The following FRMD8 variants were observed in gnomAD, a reference collection of about 807,000 sequenced individuals.
FRMD8 encodes the protein FERM domain-containing protein 8.
FRMD8 carries 37 observed loss-of-function variants against 54.2 expected under a neutral mutation model. The ratio of observed to expected loss-of-function variants is 0.68; its 90% CI spans 0.53 to 0.90. The LOEUF (loss-of-function observed/expected upper bound fraction) is 0.90, where lower values mean the gene tolerates loss of function less well. FRMD8 is among the 40% of genes least tolerant of loss of function. The probability of loss-of-function intolerance (pLI) is 0.00; values close to 1 mark genes in which losing one functional copy is unlikely to be tolerated. For synonymous variants in FRMD8, 246 were observed against 286.9 expected (o/e 0.86, Z 1.44); for missense variants, 585 against 653.7 (o/e 0.89, Z 1.15).
intron 2 of FRMD8, among the ~76,000 whole-genome samples, chr11:65,387,760 G>C (rs1230611282): frequency 6.6e-6 from 1 of 151,950 alleles, no homozygotes; most frequent in African/African-American, 2.4e-5. Flanking sequence ...GGATGGTCTC[G>C]ATCTCCTGAC....
chr11:65,371,735 C>A, the FRMD8 span, among the ~76,000 whole-genome samples: 1 of 152,212 alleles, frequency 6.6e-6, no homozygotes, highest in African/African-American at 2.4e-5. Context: ...CTGCCTCAGC[C>A]TCCCAAGTAA....
chr11:65,381,191 C>T, the FRMD8 span: 121 of 152,378 alleles, frequency 7.9e-4, no homozygotes, highest in Non-Finnish European at 1.5e-3. Flanking sequence ...AGTGCAGTGG[C>T]ATGATCATGG....
chr11:65,398,994 GTTTTTTT>G (rs33928334), intron 7 of FRMD8, among the ~76,000 whole-genome samples: 1 of 99,918 alleles, frequency 1.0e-5, no homozygotes, highest in Non-Finnish European at 2.1e-5. Context: ...TCTTCTCAAT[GTTTTTTT>G]TTTTTTTTTT....
rs970597552 is a variant in FRMD8, at chr11:65,398,231, C to T, written c.803+1211C>T. Among the ~76,000 whole-genome samples, 5 of 152,160 alleles carry T rather than the reference C, an allele frequency of 3.3e-5. 1 individual carries two copies. The highest frequency in any genetic ancestry group is 7.4e-5 in the Non-Finnish European group (5 of 68,018). ...CCAGGCTGGTCTGGAACCCTGGGGT[C>T]AAGTGATGCTCCCGCCTCAGCCTCC... On this transcript the variant is annotated intron_variant, in intron 7 of 10. Coordinates refer to ENST00000317568, the MANE Select transcript of FRMD8 (RefSeq NM_031904.5).
At chr11:65,403,793 G>C in intron 9 of FRMD8, among the ~76,000 whole-genome samples, 1 of 152,192 alleles carries the variant, frequency 6.6e-6, no homozygotes, top group East Asian at 1.9e-4. Flanking sequence ...TCCTCTTTTG[G>C]CTGCATTTGA....
chr11:65,400,929 A>G lies in FRMD8; in HGVS notation c.1071+62A>G. 1 of 1,506,858 alleles carries G rather than the reference A, an allele frequency of 6.6e-7. No individual in the cohort carries two copies. Among genetic ancestry groups the G allele is most frequent in the Non-Finnish European group, 8.9e-7 (1 of 1,123,360 alleles). 93.3% of individuals were successfully genotyped at this position (1,506,858 alleles called of 1,614,324 possible). A position where few individuals can be genotyped will look rare whatever the true frequency, so the allele number is the denominator to read the frequency against. On this transcript the variant is annotated intron_variant, in intron 9 of 10. Transcript: ENST00000317568. The surrounding 1 kb of genome is among the most constrained non-coding windows in gnomAD (Gnocchi z 4.3). ...TGGGCCCAGGTGCCCTGGGTCCCAG[A>G]CAATTAGAGGCACCAGGCTGGCGGG...
At chr11:65,380,240 C>T in the FRMD8 span, 1 of 1,612,670 alleles carries the variant, frequency 6.2e-7, no homozygotes, top group South Asian at 1.1e-5. Flanking sequence ...CAAGTCTGTG[C>T]CAAGAGGAAA....
At chr11:65,379,522 T>C in the FRMD8 span, 1 of 1,612,914 alleles carries the variant, frequency 6.2e-7, no homozygotes, top group Middle Eastern at 1.7e-4. Flanking sequence ...ACAGCTATGC[T>C]GGCAATGGGG....
Position 65,404,830 on chromosome 11 carries a change from C to G in FRMD8, c.1072-34C>G. 6.4e-7 allele frequency: 1 copy of G among 1,572,390 alleles called. No homozygotes were observed. Among genetic ancestry groups the G allele is most frequent in the Non-Finnish European group, 8.7e-7 (1 of 1,146,664 alleles). ...TCAGCAACAGGCATGGAAGGGGGCCCTGGCCAGGCCTCACACTGCCCCCTC... is the reference window on the plus strand; with the variant it reads ...TCAGCAACAGGCATGGAAGGGGGCCGTGGCCAGGCCTCACACTGCCCCCTC... On this transcript the variant is annotated intron_variant, in intron 9 of 10. Transcript: ENST00000317568. This position sits in a 1 kb window ranked among gnomAD's most constrained non-coding sequence, Gnocchi z 4.7.
the FRMD8 span, among the ~76,000 whole-genome samples, chr11:65,372,941 G>T: frequency 6.6e-6 from 1 of 152,162 alleles, no homozygotes; most frequent in African/African-American, 2.4e-5. Context: ...GCTCAGAGAT[G>T]GTCCGATCAG....
chr11:65,405,531 G>GA (rs1012865027), intron 10 of FRMD8, among the ~76,000 whole-genome samples: 6 of 152,182 alleles, frequency 3.9e-5, no homozygotes, highest in Non-Finnish European at 8.8e-5. Flanking sequence ...GCTGAGGCAG[G>GA]AAAAACGCTT....
chr11:65,396,321 G>T (rs1459860220), intron 6 of FRMD8, among the ~76,000 whole-genome samples: 1 of 152,202 alleles, frequency 6.6e-6, no homozygotes, highest in Non-Finnish European at 1.5e-5. Flanking sequence ...GGATGGAGAT[G>T]CAGGCATCTG....
chr11:65,389,571 G>A, intron 3 of FRMD8, 43 bp downstream of exon 3: 2 of 1,531,242 alleles, frequency 1.3e-6, no homozygotes, highest in East Asian at 2.4e-5. Flanking sequence ...GGGTTGGAAG[G>A]GCACTGACCA....
At chr11:65,388,696 G>A (rs538576107) in intron 2 of FRMD8, among the ~76,000 whole-genome samples, 2 of 152,178 alleles carry the variant, frequency 1.3e-5, no homozygotes, top group Admixed American at 6.5e-5. Context: ...TATTTGGGCT[G>A]TTCTTCCCTA....
In FRMD8 at chr11:65,413,395, AC is replaced by A. The variant is rs1856380120; in HGVS notation, c.*2036del. 6.6e-6 allele frequency: 1 copy of A among 152,126 alleles called. No individual in the cohort carries two copies. The highest frequency in any genetic ancestry group is 2.4e-5 in the African/African-American group (1 of 41,424). The allele number at this position is 152,126 out of a possible 1,614,324, so 9.4% of individuals were successfully genotyped here. A position where few individuals can be genotyped will look rare whatever the true frequency, so the allele number is the denominator to read the frequency against. The stretch of plus-strand genomic sequence containing the variant: ...TGATGTGTTTTCCCTTCAGCTTCTT[AC>A]GTTTTCTGAGCATCCATTGTGCCTT... On this transcript the variant is annotated 3_prime_UTR_variant, in exon 11 of 11. Coordinates refer to ENST00000317568, the MANE Select transcript of FRMD8 (RefSeq NM_031904.5).
chr11:65,369,036 T>TCAG, the FRMD8 span, among the ~76,000 whole-genome samples: 56 of 152,160 alleles, frequency 3.7e-4, no homozygotes, highest in African/African-American at 1.2e-3. Flanking sequence ...GGCGTTGCTC[T>TCAG]CAGCAGCAGC....
intron 9 of FRMD8, among the ~76,000 whole-genome samples, chr11:65,403,462 C>T (rs1856124926): frequency 1.3e-5 from 2 of 152,222 alleles, no homozygotes; most frequent in African/African-American, 2.4e-5. Flanking sequence ...GGATTACAGG[C>T]GTGAGCCACG....
chr11:65,408,260 G>C (rs1187708501), intron 10 of FRMD8, among the ~76,000 whole-genome samples: 2 of 151,850 alleles, frequency 1.3e-5, no homozygotes, highest in African/African-American at 4.8e-5. Context: ...TTTTAGTAGA[G>C]ACGGAGTTTC....
chr11:65,379,873 A>G, the FRMD8 span: 1 of 1,614,090 alleles, frequency 6.2e-7, no homozygotes, highest in Non-Finnish European at 8.5e-7. Flanking sequence ...TCACGGACTC[A>G]TGGCGGTAAA....
Sources: gnomAD v4.1 joint callset for allele counts (sites outside exome capture counted in the v4.1 genomes callset) on GRCh38, gnomAD v4.1.1 for gene constraint, Gnocchi (gnomAD v3.1) non-coding constraint, MANE v1.5 for transcripts, NCBI Gene and HGNC (gene_info 2026-07-23, HGNC 2026-07-21) for gene names.